Variants in PGBD2 observed in about 807,000 individuals in gnomAD.
The protein encoded by PGBD2 is piggyBac transposable element derived 2, also known as piggyBac transposable element-derived protein 2.
A neutral mutation model predicts 8.1 loss-of-function variants in PGBD2; 6 were observed. The ratio of observed to expected loss-of-function variants is 0.74; its 90% CI spans 0.40 to 1.46. The LOEUF (loss-of-function observed/expected upper bound fraction) is 1.46, where lower values mean the gene tolerates loss of function less well. PGBD2 is among the 40% of genes most tolerant of loss of function. The probability of loss-of-function intolerance (pLI) is 0.02; values close to 1 mark genes in which losing one functional copy is unlikely to be tolerated. For synonymous variants in PGBD2, 318 were observed against 272.2 expected, an observed-to-expected ratio of 1.17 and a Z score of -1.66; for missense variants, 802 against 739.0, an observed-to-expected ratio of 1.09 and a Z score of -0.99.
chr1:248,888,534 T>C, the PGBD2 span, among the ~76,000 whole-genome samples: 1 of 152,216 alleles, frequency 6.6e-6, no homozygotes, highest in East Asian at 1.9e-4. Flanking sequence ...GTTGGCTCTA[T>C]GTCTTCTTTT....
chr1:248,911,652 G>A (rs967724812), intron 1 of PGBD2, among the ~76,000 whole-genome samples: 11 of 148,040 alleles, frequency 7.4e-5, no homozygotes, highest in African/African-American at 1.9e-4. Context: ...CAGACGGGGC[G>A]GCTGGCCGGG....
At chr1:248,911,697 G>A (rs934269565) in intron 1 of PGBD2, among the ~76,000 whole-genome samples, 5 of 150,242 alleles carry the variant, frequency 3.3e-5, no homozygotes, top group East Asian at 3.9e-4. Flanking sequence ...AGGGGCGGCT[G>A]GGCAGAGGCG....
chr1:248,872,904 T>C, the PGBD2 span, among the ~76,000 whole-genome samples: 1 of 152,226 alleles, frequency 6.6e-6, no homozygotes, highest in African/African-American at 2.4e-5. Flanking sequence ...ATTTTAGTTT[T>C]TGAAAAATAT....
Position 248,916,773 on chromosome 1 carries a change from C to T in PGBD2, c.189C>T (p.Asp63=). The change falls in exon 3 of 3, where the codon GAC becomes GAT. Residue 63 remains aspartate, a synonymous_variant. Coordinates refer to ENST00000329291, the MANE Select transcript of PGBD2 (RefSeq NM_170725.3). ...CTGATGAGGACTCAGGGGATGAAGA[C>T]AGCCAGCGAGGTGCTCACCTACCTG... is the stretch of plus-strand genomic sequence containing the variant. The part of the protein sequence containing the change: ...EFTDEDSGDE[D]SQRGAHLPGS... The T allele has an allele frequency of 6.2e-7, 1 of 1,614,188 alleles. No homozygotes were observed. The highest frequency in any genetic ancestry group is 8.5e-7 in the Non-Finnish European group (1 of 1,180,018).
the PGBD2 span, among the ~76,000 whole-genome samples, chr1:248,881,101 A>T: frequency 6.6e-6 from 1 of 152,150 alleles, no homozygotes; most frequent in Non-Finnish European, 1.5e-5. Flanking sequence ...GAGCCCAAAC[A>T]TCCCGTGGAG....
At chr1:248,877,677 T>C in the PGBD2 span, among the ~76,000 whole-genome samples, 2 of 152,212 alleles carry the variant, frequency 1.3e-5, no homozygotes, top group South Asian at 4.1e-4. Flanking sequence ...GAAATAGTTC[T>C]CTCTGGAATT....
the PGBD2 span, among the ~76,000 whole-genome samples, chr1:248,925,149 C>CA: frequency 6.6e-6 from 1 of 152,138 alleles, no homozygotes; most frequent in African/African-American, 2.4e-5. Flanking sequence ...AGCACATTCA[C>CA]ACGTGTGTCA....
the PGBD2 span, among the ~76,000 whole-genome samples, chr1:248,873,275 T>C: frequency 6.6e-6 from 1 of 152,162 alleles, no homozygotes; most frequent in Non-Finnish European, 1.5e-5. Context: ...GCAGCCTGAC[T>C]TCCCTCACCT....
the PGBD2 span, among the ~76,000 whole-genome samples, chr1:248,893,155 T>A: frequency 2.6e-5 from 4 of 152,222 alleles, no homozygotes; most frequent in Admixed American, 1.3e-4. Context: ...CATGTTACCA[T>A]CACCTCAGTA....
intron 1 of PGBD2, among the ~76,000 whole-genome samples, chr1:248,908,040 G>T (rs1369897159): frequency 6.6e-6 from 1 of 152,118 alleles, no homozygotes; most frequent in Admixed American, 6.5e-5. Flanking sequence ...GGTTCGTCTG[G>T]ATTTCCTAGG....
In PGBD2 at chr1:248,910,557, T is replaced by C. The variant is rs566960476; in HGVS notation, c.-47-3259T>C. ...CAGCTCATCGCTGGTGGCTCCATAT[T>C]ACACATTTTTCCTGGGCTACAGACT... On this transcript the variant is annotated intron_variant, in intron 1 of 2. Coordinates refer to ENST00000329291, the MANE Select transcript of PGBD2 (RefSeq NM_170725.3). 7.2e-5 allele frequency among the ~76,000 whole-genome samples: 11 copies of C among 152,340 alleles called. No homozygotes were observed. In the South Asian group the frequency reaches 2.1e-3, roughly 29 times the overall value.
chr1:248,916,785 T>G lies in PGBD2; in HGVS notation c.201T>G (p.Gly67=). The G allele has an allele frequency of 6.2e-7, 1 of 1,614,130 alleles. No individual in the cohort carries two copies. Among genetic ancestry groups the G allele is most frequent in the Non-Finnish European group, 8.5e-7 (1 of 1,180,034 alleles). Reference sequence around the variant, plus strand: ...CAGGGGATGAAGACAGCCAGCGAGGTGCTCACCTACCTGGCAGTGTGCTGC... The same window carrying G: ...CAGGGGATGAAGACAGCCAGCGAGGGGCTCACCTACCTGGCAGTGTGCTGC... ...EDSGDEDSQR[G]AHLPGSVLHA... is the part of the protein sequence containing the mutation. The change falls in exon 3 of 3, where the codon GGT becomes GGG. Residue 67 remains glycine (G), a synonymous_variant. Coordinates refer to ENST00000329291, the MANE Select transcript of PGBD2 (RefSeq NM_170725.3).
chr1:248,902,643 A>G (rs1661554821), upstream of PGBD2, among the ~76,000 whole-genome samples: 1 of 152,240 alleles, frequency 6.6e-6, no homozygotes, highest in African/African-American at 2.4e-5. Context: ...TGGTACATAT[A>G]CAACATGGAA....
downstream of PGBD2, among the ~76,000 whole-genome samples, chr1:248,921,636 A>G (rs981661792): frequency 1.3e-5 from 2 of 152,168 alleles, no homozygotes; most frequent in Non-Finnish European, 2.9e-5. Flanking sequence ...TTAGTTCCAC[A>G]TGAAATTTAA....
chr1:248,899,552 A>G, the PGBD2 span, among the ~76,000 whole-genome samples: 4 of 152,320 alleles, frequency 2.6e-5, no homozygotes, highest in South Asian at 4.1e-4. Flanking sequence ...ATGAGAACAA[A>G]GAGACAACAC....
the PGBD2 span, among the ~76,000 whole-genome samples, chr1:248,899,595 T>C: frequency 6.6e-6 from 1 of 151,908 alleles, no homozygotes; most frequent in Non-Finnish European, 1.5e-5. Flanking sequence ...GAAAGCAGTG[T>C]TAAGAGGAAA....
chr1:248,882,408 A>C, the PGBD2 span, among the ~76,000 whole-genome samples: 1 of 152,238 alleles, frequency 6.6e-6, no homozygotes, highest in Admixed American at 6.5e-5. Flanking sequence ...ACAGAGCCTT[A>C]AAACAGAAAC....
intron 1 of PGBD2, chr1:248,912,800 ATTT>A (rs749233440): frequency 1.1e-4 from 14 of 128,080 alleles, no homozygotes; most frequent in African/African-American, 1.8e-4. Flanking sequence ...GAGCGCTCAG[ATTT>A]TTTTTTTTTT....
downstream of PGBD2, among the ~76,000 whole-genome samples, chr1:248,924,107 G>A (rs1325262698): frequency 6.6e-6 from 1 of 152,232 alleles, no homozygotes; most frequent in African/African-American, 2.4e-5. Context: ...CAAGTCACTG[G>A]CCCCTATAGC....
Sources: allele counts gnomAD v4.1 joint callset (sites outside exome capture counted in the v4.1 genomes callset), GRCh38; gene constraint gnomAD v4.1.1; transcripts MANE v1.5; gene names NCBI Gene and HGNC (gene_info 2026-07-23, HGNC 2026-07-21).